ZBED6: variants seen among roughly 807,000 people sequenced by gnomAD.
ZBED6 encodes zinc finger BED domain-containing protein 6.
Under a neutral mutation model 58.4 loss-of-function variants are expected in ZBED6, and 40 were observed. The ratio of observed to expected loss-of-function variants is 0.68; its 90% CI spans 0.53 to 0.89. ZBED6 has a LOEUF of 0.89. Among genes scored for constraint, ZBED6 ranks in the 40% least tolerant of loss-of-function variants. The pLI is 0.00. For synonymous variants in ZBED6, 439 were observed against 350.6 expected, an observed-to-expected ratio of 1.25 and a Z score of -2.82; for missense variants, 1,057 against 1,003.9, an observed-to-expected ratio of 1.05 and a Z score of -0.71.
chr1:203,843,157 TC>T (rs1686947765), intron 11 of ZBED6, among the ~76,000 whole-genome samples: 1 of 152,172 alleles, frequency 6.6e-6, no homozygotes, highest in African/African-American at 2.4e-5. Flanking sequence ...GTTTTATCTC[TC>T]CCTAGTATGC....
At chr1:203,842,443 C>T (rs1297426144) in intron 11 of ZBED6, among the ~76,000 whole-genome samples, 3 of 152,114 alleles carry the variant, frequency 2.0e-5, no homozygotes, top group African/African-American at 4.8e-5. Flanking sequence ...CCAAAACATG[C>T]AAACACCAGT....
At chr1:203,844,085 G>A (rs901819510) in intron 11 of ZBED6, among the ~76,000 whole-genome samples, 8 of 152,074 alleles carry the variant, frequency 5.3e-5, no homozygotes, top group Admixed American at 4.6e-4. Flanking sequence ...TCGAACTCCC[G>A]ACCTCAGATG....
chr1:203,842,346 C>T (rs190705015), intron 11 of ZBED6, among the ~76,000 whole-genome samples: 2,682 of 152,294 alleles, frequency 0.018, 74 homozygotes, highest in African/African-American at 0.057. Context: ...TCTGCAATCC[C>T]GGCACCTCGG....
chr1:203,796,009 C>T (rs1247631740), exon 1 of ZBED6: 1 of 150,726 alleles, frequency 6.6e-6, no homozygotes, highest in Non-Finnish European at 1.5e-5. Context: ...GGCTCCCGCT[C>T]ACTTTTCCCA....
upstream of ZBED6, chr1:203,795,650 CTTTGACGCTG>C (rs553429727): frequency 6.1e-3 from 926 of 152,342 alleles, 5 homozygotes; most frequent in Non-Finnish European, 7.1e-3. Context: ...CAGGCGCCAT[CTTTGACGCTG>C]GCAGTCTTGG....
At chr1:203,849,944 G>A in exon 14 of ZBED6, 1 of 1,614,100 alleles carries the variant, frequency 6.2e-7, no homozygotes, top group Non-Finnish European at 8.5e-7. Context: ...CATCCCAGAA[G>A]GTGGAGGTAG....
intron 16 of ZBED6, among the ~76,000 whole-genome samples, chr1:203,851,932 A>ACACTC (rs1689383714): frequency 7.2e-6 from 1 of 138,534 alleles, no homozygotes; most frequent in African/African-American, 2.7e-5. Context: ...TTGTACCACT[A>ACACTC]CACTCCAGCC....
In ZBED6 at chr1:203,842,058, C is replaced by T. The variant is rs181940257; in HGVS notation, c.*3741+1684C>T. ...CAGACGATGGGCGGCCGGGCAGAGA[C>T]ACTCCTCACTTCCTAGACGGGATGG... On this transcript the variant is annotated intron_variant, in intron 11 of 16. Transcript: ENST00000550078. 1.0e-3 allele frequency among the ~76,000 whole-genome samples: 152 copies of T among 151,454 alleles called. 4 individuals carry two copies. In the East Asian group the frequency reaches 0.025, roughly 25 times the overall value.
exon 1 of ZBED6, chr1:203,798,415 G>T: frequency 6.5e-7 from 1 of 1,534,010 alleles, no homozygotes; most frequent in Non-Finnish European, 8.7e-7. Flanking sequence ...GGTAGGCCAG[G>T]GTCCCACTTA....
intron 1 of ZBED6, among the ~76,000 whole-genome samples, chr1:203,811,774 C>T (rs1171192043): frequency 6.7e-6 from 1 of 150,222 alleles, no homozygotes; most frequent in African/African-American, 2.4e-5. Context: ...AAACTTTTTC[C>T]TTTGTTGCAT....
chr1:203,799,518 C>T, exon 1 of ZBED6: 1 of 703,016 alleles, frequency 1.4e-6, no homozygotes, highest in Non-Finnish European at 2.6e-6. Context: ...CTACTCAGTT[C>T]ACCATAGTCT....
exon 1 of ZBED6, chr1:203,800,452 T>C (rs767832735): frequency 6.7e-7 from 1 of 1,487,600 alleles, no homozygotes; most frequent in South Asian, 1.3e-5. Context: ...GAAAAAGAAA[T>C]ACTGCCTTAA....
At chr1:203,807,269 T>TTTA (rs1159649627) in intron 1 of ZBED6, among the ~76,000 whole-genome samples, 1 of 152,178 alleles carries the variant, frequency 6.6e-6, no homozygotes, top group East Asian at 1.9e-4. Flanking sequence ...AAGCAGCTGT[T>TTTA]TTAAACATTT....
intron 3 of ZBED6, among the ~76,000 whole-genome samples, chr1:203,819,836 C>T (rs1677897844): frequency 6.6e-6 from 1 of 151,714 alleles, no homozygotes; most frequent in South Asian, 2.1e-4. Flanking sequence ...GCCCAGCCGA[C>T]TCCAGCAATT....
chr1:203,826,661 GTC>G (rs1680625149), intron 3 of ZBED6, among the ~76,000 whole-genome samples: 1 of 151,942 alleles, frequency 6.6e-6, no homozygotes, highest in South Asian at 2.1e-4. Context: ...TTGTTTCTCT[GTC>G]TCTCTTCTCC....
exon 1 of ZBED6, chr1:203,797,513 C>A: frequency 6.7e-7 from 1 of 1,485,496 alleles, no homozygotes; most frequent in Non-Finnish European, 8.9e-7. Context: ...ATTGTGGAGA[C>A]ATAAAGAGAA....
rs189649573 is a variant in ZBED6 at position 203,847,983 on chromosome 1, G to A, written c.*4245+296G>A. On this transcript the variant is annotated intron_variant, in intron 12 of 16. Transcript: ENST00000550078. ...TGATTCTCCTGCCTCAGCCTCCCAA[G>A]TAGCTGGGGCTACAGACATGTGCCA... Among the ~76,000 whole-genome samples the A allele has an allele frequency of 6.2e-3, 938 of 152,210 alleles. 30 individuals carry two copies. Among genetic ancestry groups the A allele is most frequent in the Admixed American group, 0.054 (832 of 15,276 alleles).
At chr1:203,798,352 C>T in exon 1 of ZBED6, 1 of 1,535,308 alleles carries the variant, frequency 6.5e-7, no homozygotes, top group Non-Finnish European at 8.7e-7. Context: ...TACACTGATC[C>T]TCAGCACATC....
intron 1 of ZBED6, among the ~76,000 whole-genome samples, chr1:203,812,050 C>G (rs1674657631): frequency 6.6e-6 from 1 of 152,100 alleles, no homozygotes; most frequent in African/African-American, 2.4e-5. Flanking sequence ...CTACTGACCT[C>G]AAGTGATCCA....
Sources: allele counts gnomAD v4.1 joint callset (sites outside exome capture counted in the v4.1 genomes callset), GRCh38; gene constraint gnomAD v4.1.1; transcripts MANE v1.5; gene names NCBI Gene and HGNC (gene_info 2026-07-23, HGNC 2026-07-21).